Variants in MAP2K5 observed in about 807,000 individuals in gnomAD.
MAP2K5 encodes dual specificity mitogen-activated protein kinase kinase 5.
Under a neutral mutation model 83.1 loss-of-function variants are expected in MAP2K5, and 49 were observed. The ratio of observed to expected loss-of-function variants is 0.59; its 90% CI spans 0.47 to 0.75. The LOEUF is 0.75. MAP2K5 is among the 30% of genes least tolerant of loss of function. The pLI is 0.00. For missense variants in MAP2K5, 457 were observed against 557.5 expected, an observed-to-expected ratio of 0.82 and a Z score of 1.82; for synonymous variants, 202 against 191.8, an observed-to-expected ratio of 1.05 and a Z score of -0.44.
In MAP2K5 at chr15:67,724,264, T is replaced by TA. The variant is rs1290697613; in HGVS notation, c.1045-3651dup. On this transcript the variant is annotated intron_variant, in intron 16 of 21. Transcript: ENST00000178640. This position sits in a 1 kb window ranked among gnomAD's most constrained non-coding sequence, Gnocchi z 4.4. ...TTAATAGACCAGTAGGGGTAAAAGATACAGAATGGCCCCAGGTCTGCCTGT... is the reference window on the plus strand; with the variant it reads ...TTAATAGACCAGTAGGGGTAAAAGATAACAGAATGGCCCCAGGTCTGCCTGT... Among the ~76,000 whole-genome samples the TA allele has an allele frequency of 6.6e-6, 1 of 152,198 alleles. No individual in the cohort carries two copies. The highest frequency in any genetic ancestry group is 2.4e-5 in the African/African-American group (1 of 41,452).
chr15:67,668,631 A>G lies in MAP2K5; in HGVS notation c.847+3986A>G, dbSNP rs1040718772. The stretch of plus-strand genomic sequence containing the variant: ...TCATAGCCATCATTACCCACATCAA[A>G]CATAAATACAAGATTAACACCTATG... On this transcript the variant is annotated intron_variant, in intron 13 of 21. Coordinates refer to ENST00000178640, the MANE Select transcript of MAP2K5 (RefSeq NM_145160.3). The surrounding 1 kb of genome is among the most constrained non-coding windows in gnomAD (Gnocchi z 4.0). Among the ~76,000 whole-genome samples, 10 of 152,174 alleles carry G rather than the reference A, an allele frequency of 6.6e-5. No individual in the cohort carries two copies. Among genetic ancestry groups the G allele is most frequent in the Non-Finnish European group, 1.3e-4 (9 of 68,032 alleles).
intron 13 of MAP2K5, among the ~76,000 whole-genome samples, chr15:67,685,708 A>C (rs1333273782): frequency 1.3e-5 from 2 of 152,380 alleles, no homozygotes; most frequent in East Asian, 3.9e-4. Context: ...GAAATACCCT[A>C]ATATTACTTG....
intron 3 of MAP2K5, among the ~76,000 whole-genome samples, chr15:67,575,694 G>A (rs978487384): frequency 5.9e-5 from 9 of 152,232 alleles, no homozygotes; most frequent in African/African-American, 2.2e-4. Flanking sequence ...TTTTTTGTTT[G>A]TTTGTTTACT....
At chr15:67,675,483 G>A (rs764821202) in intron 13 of MAP2K5, among the ~76,000 whole-genome samples, 11 of 152,164 alleles carry the variant, frequency 7.2e-5, no homozygotes, top group Non-Finnish European at 1.6e-4. Flanking sequence ...GCAAGATGAG[G>A]AATCCTCATG....
intron 8 of MAP2K5, among the ~76,000 whole-genome samples, chr15:67,608,830 C>T (rs1387192974): frequency 6.6e-6 from 1 of 152,136 alleles, no homozygotes; most frequent in Non-Finnish European, 1.5e-5. Context: ...TGTACTCTTT[C>T]TACTCTTGTT....
intron 16 of MAP2K5, among the ~76,000 whole-genome samples, chr15:67,705,093 G>A (rs1442147545): frequency 6.6e-6 from 1 of 152,144 alleles, no homozygotes; most frequent in African/African-American, 2.4e-5. Flanking sequence ...TCTTTCCTTA[G>A]CTTTCACACA....
intron 16 of MAP2K5, among the ~76,000 whole-genome samples, chr15:67,710,528 G>C (rs1383187745): frequency 8.6e-6 from 1 of 116,348 alleles, no homozygotes; most frequent in Non-Finnish European, 1.7e-5. Context: ...TTTTGAGATA[G>C]AGTCTCGCTC....
intron 19 of MAP2K5, among the ~76,000 whole-genome samples, chr15:67,759,384 C>A (rs1372977996): frequency 2.0e-5 from 3 of 151,734 alleles, no homozygotes; most frequent in Non-Finnish European, 2.9e-5. Flanking sequence ...CATGGTGAGA[C>A]CCGATCTCTA....
Position 67,677,099 on chromosome 15 carries a change from TA to T in MAP2K5, c.847+12455del, listed in dbSNP as rs576970549. ...TTTTCTTAGAAAATTAGCCTGTGAG[TA>T]TAAAGAACTTAAAACATCTGGGCTA... On this transcript the variant is annotated intron_variant, in intron 13 of 21. Transcript: ENST00000178640. This position sits in a 1 kb window ranked among gnomAD's most constrained non-coding sequence, Gnocchi z 4.2. Among the ~76,000 whole-genome samples, 335 of 152,308 alleles carry T rather than the reference TA, an allele frequency of 2.2e-3. No individual in the cohort carries two copies. Among genetic ancestry groups the T allele is most frequent in the Non-Finnish European group, 3.5e-3 (239 of 68,022 alleles).
At chr15:67,696,334 C>T (rs1346421432) in intron 15 of MAP2K5, among the ~76,000 whole-genome samples, 1 of 152,070 alleles carries the variant, frequency 6.6e-6, no homozygotes, top group Non-Finnish European at 1.5e-5. Flanking sequence ...ATGACCACAC[C>T]CATTTGCTTA....
At chr15:67,643,153 G>C (rs956724318) in intron 9 of MAP2K5, among the ~76,000 whole-genome samples, 6 of 152,104 alleles carry the variant, frequency 3.9e-5, no homozygotes, top group African/African-American at 1.4e-4. Context: ...CCAGGGTTGA[G>C]AACCATTGAT....
chr15:67,562,080 A>T lies in MAP2K5; in HGVS notation c.185-1203A>T, dbSNP rs2084747889. 6.6e-6 allele frequency among the ~76,000 whole-genome samples: 1 copy of T among 152,220 alleles called. No homozygotes were observed. The highest frequency in any genetic ancestry group is 2.4e-5 in the African/African-American group (1 of 41,452). ...ATATGCCCAAGAGTGAACAAAAATA[A>T]TAATTCCGATTGTTAACACCAGAAC... On this transcript the variant is annotated intron_variant, in intron 2 of 21. Coordinates refer to ENST00000178640, the MANE Select transcript of MAP2K5 (RefSeq NM_145160.3). The surrounding 1 kb of genome is among the most constrained non-coding windows in gnomAD (Gnocchi z 4.1).
chr15:67,651,877 A>G (rs879510279), intron 11 of MAP2K5, among the ~76,000 whole-genome samples: 39 of 152,298 alleles, frequency 2.6e-4, no homozygotes, highest in Admixed American at 9.8e-4. Context: ...TATATACCCA[A>G]TGGTGAAATT....
In MAP2K5 at chr15:67,760,133, A is replaced by G. The variant is rs1273093923; in HGVS notation, c.1135-9469A>G. Among the ~76,000 whole-genome samples the G allele has an allele frequency of 6.6e-6, 1 of 152,260 alleles. No individual in the cohort carries two copies. Among genetic ancestry groups the G allele is most frequent in the Non-Finnish European group, 1.5e-5 (1 of 68,046 alleles). ...TTGAAAATAGGTTAGCATTAAGGCC[A>G]GGATTCCTTTAGTAATTACTTTTTC... On this transcript the variant is annotated intron_variant, in intron 19 of 21. Coordinates refer to ENST00000178640, the MANE Select transcript of MAP2K5 (RefSeq NM_145160.3). The surrounding 1 kb of genome is among the most constrained non-coding windows in gnomAD (Gnocchi z 4.1).
chr15:67,577,102 A>G lies in MAP2K5; in HGVS notation c.253-3652A>G. ...AGGCGCCCGCCACCGTGCCCGGCTA[A>G]TTTTTTGTATTTTTAGTAGAGACGG... On this transcript the variant is annotated intron_variant, in intron 3 of 21. Coordinates refer to ENST00000178640, the MANE Select transcript of MAP2K5 (RefSeq NM_145160.3). The surrounding 1 kb of genome is among the most constrained non-coding windows in gnomAD (Gnocchi z 4.1). Among the ~76,000 whole-genome samples, 1 of 149,698 alleles carries G rather than the reference A, an allele frequency of 6.7e-6. No homozygotes were observed. Among genetic ancestry groups the G allele is most frequent in the Non-Finnish European group, 1.5e-5 (1 of 67,362 alleles).
intron 4 of MAP2K5, among the ~76,000 whole-genome samples, chr15:67,584,701 CAG>C (rs1255714969): frequency 8.9e-6 from 1 of 112,398 alleles, no homozygotes. Flanking sequence ...TTTTTTGACA[CAG>C]AGTCTCGCTC....
intron 13 of MAP2K5, among the ~76,000 whole-genome samples, chr15:67,674,758 G>GA: frequency 6.6e-6 from 1 of 152,020 alleles, no homozygotes; most frequent in East Asian, 1.9e-4. Context: ...CTCAATGGTA[G>GA]AAAAACAAAC....
intron 15 of MAP2K5, among the ~76,000 whole-genome samples, chr15:67,699,702 A>G (rs2088364097): frequency 6.6e-6 from 1 of 152,190 alleles, no homozygotes; most frequent in Non-Finnish European, 1.5e-5. Context: ...AAACAAAGCC[A>G]CCTGAACAAG....
intron 7 of MAP2K5, 71 bp from the exon 8 acceptor site, chr15:67,600,614 A>G: frequency 8.4e-7 from 1 of 1,188,352 alleles, no homozygotes; most frequent in Non-Finnish European, 1.2e-6. Flanking sequence ...TTTATGGCCC[A>G]GAGTTGCTTT....
Sources: gnomAD v4.1 joint callset for allele counts (sites outside exome capture counted in the v4.1 genomes callset) on GRCh38, gnomAD v4.1.1 for gene constraint, Gnocchi (gnomAD v3.1) non-coding constraint, MANE v1.5 for transcripts, NCBI Gene and HGNC (gene_info 2026-07-23, HGNC 2026-07-21) for gene names.